The following ZNF232 variants were observed in gnomAD, a reference collection of about 807,000 sequenced individuals.
ZNF232 encodes zinc finger protein 232.
Under a neutral mutation model 25.2 loss-of-function variants are expected in ZNF232, and 25 were observed. The observed-to-expected ratio is 0.99, with a 90% CI of 0.72 to 1.39. The LOEUF is 1.39. ZNF232 is among the 40% of genes most tolerant of loss of function. The pLI, the probability that ZNF232 is intolerant of heterozygous loss-of-function variation, is 0.00. For missense variants in ZNF232, 519 were observed against 520.9 expected (o/e 1.00, Z 0.04); for synonymous variants, 193 against 182.9 (o/e 1.06, Z -0.45).
intron 1 of ZNF232, among the ~76,000 whole-genome samples, chr17:5,122,608 G>T (rs1232530264): frequency 6.6e-6 from 1 of 151,366 alleles, no homozygotes; most frequent in Non-Finnish European, 1.5e-5. Context: ...CCGACCCTCC[G>T]CTGCGGGGCC....
chr17:5,123,041 G>A, exon 1 of ZNF232: 1 of 153,506 alleles, frequency 6.5e-6, no homozygotes, highest in South Asian at 1.8e-4. Flanking sequence ...GGGCGGCTGC[G>A]CAGGGCTGGA....
At chr17:5,120,966 A>C (rs1376478355) in intron 1 of ZNF232, among the ~76,000 whole-genome samples, 1 of 152,212 alleles carries the variant, frequency 6.6e-6, no homozygotes, top group Non-Finnish European at 1.5e-5. Context: ...ACTCAAGCTC[A>C]CACAGCCCTT....
At chr17:5,106,391 A>G in exon 4 of ZNF232, 2 of 1,614,212 alleles carry the variant, frequency 1.2e-6, no homozygotes, top group Non-Finnish European at 1.7e-6. Flanking sequence ...AGGTAGCTTC[A>G]AATGTAGAGG....
intron 1 of ZNF232, among the ~76,000 whole-genome samples, chr17:5,110,913 GAGAGA>G (rs2072391087): frequency 1.3e-5 from 2 of 152,136 alleles, no homozygotes; most frequent in Admixed American, 6.5e-5. Context: ...GGGGAAGGAG[GAGAGA>G]AGAGGGAGGG....
chr17:5,118,589 C>G (rs1477781625), intron 1 of ZNF232, among the ~76,000 whole-genome samples: 1 of 152,226 alleles, frequency 6.6e-6, no homozygotes, highest in Non-Finnish European at 1.5e-5. Flanking sequence ...TGGCTACCTG[C>G]CACTGGTGAG....
At chr17:5,107,868 C>T (rs1181347944) in intron 3 of ZNF232, among the ~76,000 whole-genome samples, 1 of 151,724 alleles carries the variant, frequency 6.6e-6, no homozygotes, top group Non-Finnish European at 1.5e-5. Context: ...TTCATTTTTT[C>T]AGGTTAAATG....
chr17:5,119,434 C>T lies in ZNF232; in HGVS notation c.-530+3543G>A, dbSNP rs183887725. ...ATTATCTGAAAATTAACTCTTTTGT[C>T]CTTCTTCAGCCCCCACTAAAGTGAG... is the stretch of plus-strand genomic sequence containing the variant. On this transcript the variant is annotated intron_variant, in intron 1 of 4. Coordinates refer to the ZNF232 transcript ENST00000250076. Among the ~76,000 whole-genome samples the T allele has an allele frequency of 2.0e-5, 3 of 152,298 alleles. No individual in the cohort carries two copies. The East Asian group carries it at 5.8e-4, about 29-fold the overall frequency.
intron 3 of ZNF232, among the ~76,000 whole-genome samples, chr17:5,107,395 A>G (rs1189245171): frequency 2.2e-5 from 1 of 45,542 alleles, no homozygotes; most frequent in East Asian, 3.5e-4. Flanking sequence ...CTCAAAAAGG[A>G]AAAAAAAAAA....
At chr17:5,119,046 G>A (rs1181428288) in intron 1 of ZNF232, among the ~76,000 whole-genome samples, 1 of 152,140 alleles carries the variant, frequency 6.6e-6, no homozygotes. Context: ...TTTCACTGGG[G>A]GCCTGCCACA....
At chr17:5,111,454 G>A (rs2072407127) in intron 1 of ZNF232, 1 of 403,610 alleles carries the variant, frequency 2.5e-6, no homozygotes, top group Non-Finnish European at 4.4e-6. Flanking sequence ...GGTGATGCCC[G>A]GCGCCGCTGG....
intron 3 of ZNF232, among the ~76,000 whole-genome samples, chr17:5,106,780 G>A (rs1251176871): frequency 6.6e-6 from 1 of 151,990 alleles, no homozygotes; most frequent in East Asian, 1.9e-4. Flanking sequence ...TTGAAAAAAT[G>A]AAAGCAATTA....
At chr17:5,120,922 A>G in intron 1 of ZNF232, 1 of 454,532 alleles carries the variant, frequency 2.2e-6, no homozygotes, top group Non-Finnish European at 4.4e-6. Flanking sequence ...CCAGCCCCTC[A>G]TGATTTCGAT....
upstream of ZNF232, among the ~76,000 whole-genome samples, chr17:5,116,020 G>T (rs1174572106): frequency 6.6e-6 from 1 of 152,254 alleles, no homozygotes; most frequent in Non-Finnish European, 1.5e-5. Flanking sequence ...AGGCACGGAG[G>T]CCAGGCAGAG....
chr17:5,115,125 C>T (rs566627476), upstream of ZNF232: 1 of 146,254 alleles, frequency 6.8e-6, no homozygotes, highest in Non-Finnish European at 1.5e-5. Context: ...GCTAAAAATT[C>T]TGGAACGAGC....
upstream of ZNF232, chr17:5,114,289 C>G (rs1038551314): frequency 1.3e-5 from 2 of 152,248 alleles, no homozygotes; most frequent in Admixed American, 1.3e-4. Flanking sequence ...GGTCTGAGCT[C>G]CATCTGAAGG....
At position 5,108,940 on chromosome 17, in the gene ZNF232, G is replaced by A. The variant is rs149710317; in HGVS notation, c.611C>T (p.Pro204Leu). ...CTGCTCCTCACCACTCTTTGGGAAAGGCTGGGTCTCCTTAGGCTGGAGCTG... is the reference window on the plus strand; with the variant it reads ...CTGCTCCTCACCACTCTTTGGGAAAAGCTGGGTCTCCTTAGGCTGGAGCTG... Residue 204 changes from proline (P) to leucine (L), a missense_variant, in exon 3 of 4, where the codon CCT (proline) becomes CTT (leucine). Physicochemically the swap from Pro to Leu is moderately conservative, Grantham distance 98 (BLOSUM62 -3). Transcript: ENST00000575898. The A allele has an allele frequency of 4.0e-4, 653 of 1,614,014 alleles. 3 individuals are homozygous for A. In the Middle Eastern group the frequency reaches 6.1e-3, roughly 15 times the overall value.
intron 1 of ZNF232, among the ~76,000 whole-genome samples, chr17:5,118,925 T>C (rs941921609): frequency 1.3e-5 from 2 of 152,080 alleles, no homozygotes; most frequent in Non-Finnish European, 2.9e-5. Context: ...CAACATTTGA[T>C]TGGTAAGAAG....
intron 3 of ZNF232, chr17:5,108,694 C>A: frequency 2.0e-6 from 1 of 500,460 alleles, no homozygotes; most frequent in African/African-American, 2.0e-5. Flanking sequence ...CCAGATAAGA[C>A]CCAAGTTGAG....
At chr17:5,112,217 C>T (rs2072433882), upstream of ZNF232, 1 of 303,366 alleles carries the variant, frequency 3.3e-6, no homozygotes, top group Non-Finnish European at 6.1e-6. Context: ...TGGCCTTGTC[C>T]ATGGCCTGTG....
Sources: allele counts gnomAD v4.1 joint callset (sites outside exome capture counted in the v4.1 genomes callset), GRCh38; gene constraint gnomAD v4.1.1; transcripts MANE v1.5; gene names NCBI Gene and HGNC (gene_info 2026-07-23, HGNC 2026-07-21).